Variants in EVA1A observed in about 807,000 individuals in gnomAD.
EVA1A encodes the protein eva-1 homolog A, regulator of programmed cell death.
EVA1A carries 7 observed loss-of-function variants against 9.8 expected under a neutral mutation model. That is an observed-to-expected ratio of 0.71 (90% confidence interval 0.41 to 1.34). The LOEUF (loss-of-function observed/expected upper bound fraction) is 1.34. EVA1A is among the 40% of genes most tolerant of loss of function. The probability of loss-of-function intolerance (pLI) is 0.01; values close to 1 mark genes in which losing one functional copy is unlikely to be tolerated. For missense variants in EVA1A, 206 were observed against 205.9 expected, an observed-to-expected ratio of 1.00 and a Z score of 0.00; for synonymous variants, 90 against 85.6, an observed-to-expected ratio of 1.05 and a Z score of -0.28.
intron 3 of EVA1A, among the ~76,000 whole-genome samples, chr2:75,508,763 C>A (rs576786123): frequency 6.6e-6 from 1 of 152,010 alleles, no homozygotes; most frequent in Admixed American, 6.6e-5. Context: ...CAGAACCTAC[C>A]GACATGTGAT....
In EVA1A at chr2:75,496,627, A is replaced by G. The variant is rs577959115; in HGVS notation, c.86-3018T>C. Reference sequence around the variant, plus strand: ...CTGCCCAAAGCAATTTACAGATTCAATGCTATTCCTATCAAAGTACCAACA... The same window carrying G: ...CTGCCCAAAGCAATTTACAGATTCAGTGCTATTCCTATCAAAGTACCAACA... On this transcript the variant is annotated intron_variant, in intron 3 of 3. Transcript: ENST00000393913. Among the ~76,000 whole-genome samples, 65 of 152,326 alleles carry G rather than the reference A, an allele frequency of 4.3e-4. No homozygotes were observed. In the East Asian group the frequency reaches 0.012, roughly 29 times the overall value.
At chr2:75,546,472 C>T (rs1431150667) in intron 1 of EVA1A, among the ~76,000 whole-genome samples, 1 of 152,036 alleles carries the variant, frequency 6.6e-6, no homozygotes, top group South Asian at 2.1e-4. Flanking sequence ...GGAGTTTGAA[C>T]AGAAATCCAT....
At chr2:75,516,353 T>A (rs997749409) in intron 3 of EVA1A, among the ~76,000 whole-genome samples, 3 of 152,258 alleles carry the variant, frequency 2.0e-5, no homozygotes, top group African/African-American at 7.2e-5. Flanking sequence ...AATTTTATTT[T>A]AGCCACACTG....
At chr2:75,500,728 T>TCCTC (rs1255084726) in intron 3 of EVA1A, among the ~76,000 whole-genome samples, 1 of 150,974 alleles carries the variant, frequency 6.6e-6, no homozygotes, top group Admixed American at 6.6e-5. Context: ...CTCTCTCCCT[T>TCCTC]CCTCCCTCCC....
At chr2:75,527,782 G>T in intron 1 of EVA1A, among the ~76,000 whole-genome samples, 1 of 152,144 alleles carries the variant, frequency 6.6e-6, no homozygotes, top group African/African-American at 2.4e-5. Flanking sequence ...AATGAGGAGT[G>T]TTTGGAGACT....
At position 75,518,509 on chromosome 2, in the gene EVA1A, C is replaced by A. The variant is rs1294991463; in HGVS notation, c.-68-301G>T. The A allele has an allele frequency of 1.4e-5, 11 of 774,996 alleles. No individual in the cohort carries two copies. In the African/African-American group the frequency reaches 1.7e-4, roughly 12 times the overall value. 48.0% of individuals were successfully genotyped at this position (774,996 alleles called of 1,614,324 possible). A position where few individuals can be genotyped will look rare whatever the true frequency, so the allele number is the denominator to read the frequency against. ...CAGTGGGGCCACAAAGATTTGGGGT[C>A]TTGTGCTCTTTGTTCAAGCGAGCTT... is the stretch of plus-strand genomic sequence containing the variant. On this transcript the variant is annotated intron_variant, in intron 2 of 3. Transcript: ENST00000393913.
intron 3 of EVA1A, among the ~76,000 whole-genome samples, chr2:75,515,871 C>A (rs1254829542): frequency 6.6e-6 from 1 of 152,098 alleles, no homozygotes; most frequent in Non-Finnish European, 1.5e-5. Flanking sequence ...CCTTAGACAC[C>A]CCCCTAACAA....
intron 3 of EVA1A, among the ~76,000 whole-genome samples, chr2:75,511,755 T>C (rs1038891680): frequency 6.6e-6 from 1 of 152,176 alleles, no homozygotes; most frequent in African/African-American, 2.4e-5. Flanking sequence ...ACTGATTAAC[T>C]GAGCATCTGA....
chr2:75,554,755 T>A (rs146446197), intron 1 of EVA1A, among the ~76,000 whole-genome samples: 1 of 152,078 alleles, frequency 6.6e-6, no homozygotes, highest in African/African-American at 2.4e-5. Flanking sequence ...CAGGTTATAA[T>A]TGATCTCTAG....
intron 3 of EVA1A, among the ~76,000 whole-genome samples, chr2:75,512,056 C>T (rs10185182): frequency 0.42 from 63,237 of 151,388 alleles, 13,893 homozygotes; most frequent in African/African-American, 0.56. Context: ...ATAGAAGCTA[C>T]ACATATTTAT....
intron 1 of EVA1A, among the ~76,000 whole-genome samples, chr2:75,541,376 G>A (rs1261183393): frequency 6.6e-6 from 1 of 152,178 alleles, no homozygotes; most frequent in African/African-American, 2.4e-5. Context: ...CTCAGAAAGG[G>A]ACCACTAATT....
chr2:75,497,747 G>T (rs765314941), intron 3 of EVA1A, among the ~76,000 whole-genome samples: 12 of 150,602 alleles, frequency 8.0e-5, no homozygotes, highest in Admixed American at 2.7e-4. Flanking sequence ...GCTACTTCTG[G>T]GGCTGAGGCA....
chr2:75,536,020 C>T (rs1007584917), intron 1 of EVA1A, among the ~76,000 whole-genome samples: 2 of 152,178 alleles, frequency 1.3e-5, no homozygotes, highest in East Asian at 3.9e-4. Flanking sequence ...CAGGCGTGGG[C>T]CACCGCACCC....
intron 1 of EVA1A, among the ~76,000 whole-genome samples, chr2:75,557,694 G>A (rs1676763973): frequency 6.6e-6 from 1 of 152,184 alleles, no homozygotes; most frequent in Non-Finnish European, 1.5e-5. Context: ...TCCCAAAAAA[G>A]TTAATCCTCT....
intron 3 of EVA1A, among the ~76,000 whole-genome samples, chr2:75,507,133 C>T (rs1205740975): frequency 6.6e-6 from 1 of 152,198 alleles, no homozygotes; most frequent in African/African-American, 2.4e-5. Context: ...ACTGGGCTCC[C>T]TCTTACCTTA....
chr2:75,520,966 C>G (rs1004642195), intron 2 of EVA1A, among the ~76,000 whole-genome samples: 1 of 152,124 alleles, frequency 6.6e-6, no homozygotes, highest in African/African-American at 2.4e-5. Flanking sequence ...AATATCCAGA[C>G]TGCTACCTAT....
In EVA1A at chr2:75,502,030, G is replaced by A. The variant is rs927793287; in HGVS notation, c.86-8421C>T. On this transcript the variant is annotated intron_variant, in intron 3 of 3. Coordinates refer to ENST00000393913, the MANE Select transcript of EVA1A (RefSeq NM_001135032.2). ...TCCCAGAGTGAGAGAAAGATGACAC[G>A]ACAGAGAAACAGTACATCAGTTACA... is the stretch of plus-strand genomic sequence containing the variant. Among the ~76,000 whole-genome samples the A allele has an allele frequency of 2.6e-5, 4 of 152,300 alleles. No homozygotes were observed. In the East Asian group the frequency reaches 5.8e-4, roughly 22 times the overall value.
intron 3 of EVA1A, among the ~76,000 whole-genome samples, chr2:75,512,799 C>T (rs1018481997): frequency 1.3e-5 from 2 of 152,152 alleles, no homozygotes; most frequent in Non-Finnish European, 2.9e-5. Flanking sequence ...GGATGCTTCT[C>T]CACCCATTAG....
chr2:75,520,305 A>G lies in EVA1A; in HGVS notation c.-69+2060T>C, dbSNP rs560111452. ...AATTCAGAAGTTTTATGGCAGTCCCAAAATCTCAATGATGTTTTTGCAGAA... is the reference window on the plus strand; with the variant it reads ...AATTCAGAAGTTTTATGGCAGTCCCGAAATCTCAATGATGTTTTTGCAGAA... On this transcript the variant is annotated intron_variant, in intron 2 of 3. Coordinates refer to ENST00000393913, the MANE Select transcript of EVA1A (RefSeq NM_001135032.2). Among the ~76,000 whole-genome samples, 3 of 132,930 alleles carry G rather than the reference A, an allele frequency of 2.3e-5. No individual in the cohort carries two copies. The East Asian group carries it at 6.1e-4, about 27-fold the overall frequency. 87.2% of individuals were successfully genotyped at this position (132,930 alleles called of 152,430 possible).
Sources: gnomAD v4.1 joint callset for allele counts (sites outside exome capture counted in the v4.1 genomes callset) on GRCh38, gnomAD v4.1.1 for gene constraint, MANE v1.5 for transcripts, NCBI Gene and HGNC (gene_info 2026-07-23, HGNC 2026-07-21) for gene names.